The following C9 variants were observed in gnomAD, a reference collection of about 807,000 sequenced individuals.
C9 encodes complement C9.
Under a neutral mutation model 65.4 loss-of-function variants are expected in C9, and 63 were observed. The observed-to-expected ratio is 0.96, with a 90% confidence interval of 0.79 to 1.19. C9 has a LOEUF of 1.19. Ranked by LOEUF, C9 falls within the 50% of genes most tolerant of loss-of-function variation. The pLI, the probability that C9 is intolerant of heterozygous loss-of-function variation, is 0.00. For synonymous variants in C9, 229 were observed against 227.9 expected, an observed-to-expected ratio of 1.00 and a Z score of -0.04; for missense variants, 744 against 670.1, an observed-to-expected ratio of 1.11 and a Z score of -1.22.
intron 5 of C9, among the ~76,000 whole-genome samples, chr5:39,319,008 A>G (rs2111904065): frequency 6.6e-6 from 1 of 152,082 alleles, no homozygotes; most frequent in South Asian, 2.1e-4. Flanking sequence ...AGTCCCTTTT[A>G]TGCTGCTTTT....
rs898576618 is a variant in C9 at position 39,284,284 on chromosome 5, T to C, written c.*915A>G. Reference sequence around the variant, plus strand: ...CTCTTTTCTTTCTTTCTTTCCTTTTTTTAAAGAGTTCTCAGACCTTTCAAA... The same window carrying C: ...CTCTTTTCTTTCTTTCTTTCCTTTTCTTAAAGAGTTCTCAGACCTTTCAAA... On this transcript the variant is annotated 3_prime_UTR_variant, in exon 11 of 11. Transcript: ENST00000263408. 7 of 152,190 alleles carry C rather than the reference T, an allele frequency of 4.6e-5. No individual in the cohort carries two copies. Among genetic ancestry groups the C allele is most frequent in the Non-Finnish European group, 1.0e-4 (7 of 68,038 alleles). The allele number at this position is 152,190 out of a possible 1,614,324, so 9.4% of individuals were successfully genotyped here. A position where few individuals can be genotyped will look rare whatever the true frequency, so the allele number is the denominator to read the frequency against.
At chr5:39,349,336 G>A (rs989675373) in intron 1 of C9, among the ~76,000 whole-genome samples, 2 of 152,054 alleles carry the variant, frequency 1.3e-5, no homozygotes, top group Non-Finnish European at 2.9e-5. Flanking sequence ...AATATAAAGT[G>A]TTCAAGCTTG....
chr5:39,317,936 G>A (rs1561341415), intron 5 of C9, among the ~76,000 whole-genome samples: 2 of 151,824 alleles, frequency 1.3e-5, no homozygotes, highest in African/African-American at 4.8e-5. Flanking sequence ...AATTACTTTG[G>A]GCAGTATGGC....
chr5:39,312,416 T>C (rs1753500485), intron 6 of C9, among the ~76,000 whole-genome samples: 1 of 152,190 alleles, frequency 6.6e-6, no homozygotes, highest in African/African-American at 2.4e-5. Context: ...TATCAAGTTA[T>C]TTGTCCCAAA....
intron 10 of C9, among the ~76,000 whole-genome samples, chr5:39,288,483 G>A (rs559541914): frequency 6.6e-6 from 1 of 151,450 alleles, no homozygotes; most frequent in African/African-American, 2.4e-5. Flanking sequence ...TTTATAAAGA[G>A]TAATACAATA....
intron 6 of C9, 125 bp downstream of exon 6, chr5:39,315,650 C>T: frequency 1.4e-6 from 1 of 713,728 alleles, no homozygotes; most frequent in East Asian, 2.7e-5. Context: ...GACGTGCTAG[C>T]TACATATTTG....
intron 9 of C9, among the ~76,000 whole-genome samples, chr5:39,303,485 G>GTAT (rs1753319780): frequency 6.7e-6 from 1 of 149,638 alleles, no homozygotes; most frequent in African/African-American, 2.4e-5. Context: ...ATATATAACT[G>GTAT]TATTTATAGA....
At chr5:39,351,868 G>C (rs1754330033) in intron 1 of C9, among the ~76,000 whole-genome samples, 1 of 152,066 alleles carries the variant, frequency 6.6e-6, no homozygotes, top group African/African-American at 2.4e-5. Flanking sequence ...CTGTTACCCA[G>C]TTCCAAAGTC....
At chr5:39,341,746 A>G (rs1314592893) in intron 2 of C9, 46 bp from the exon 3 acceptor site, 15 of 1,587,942 alleles carry the variant, frequency 9.4e-6, no homozygotes, top group Non-Finnish European at 1.3e-5. Context: ...ATGCCAAAAA[A>G]AGGGTATGGT....
chr5:39,350,154 A>G (rs141463596), intron 1 of C9, among the ~76,000 whole-genome samples: 12 of 152,324 alleles, frequency 7.9e-5, no homozygotes, highest in Admixed American at 3.9e-4. Flanking sequence ...ACATCTTCAC[A>G]TAACATCAGG....
At chr5:39,328,166 G>C in intron 5 of C9, among the ~76,000 whole-genome samples, 1 of 152,202 alleles carries the variant, frequency 6.6e-6, no homozygotes, top group East Asian at 1.9e-4. Context: ...TTCCTACTGA[G>C]AGAATAGGAT....
intron 5 of C9, among the ~76,000 whole-genome samples, chr5:39,327,678 CAG>C (rs1561344770): frequency 6.6e-6 from 1 of 151,968 alleles, no homozygotes; most frequent in South Asian, 2.1e-4. Context: ...GCATCTAGTT[CAG>C]AGAGAGATGT....
At chr5:39,295,134 C>T (rs1753160696) in intron 9 of C9, among the ~76,000 whole-genome samples, 1 of 151,650 alleles carries the variant, frequency 6.6e-6, no homozygotes, top group South Asian at 2.1e-4. Context: ...AGAAAGCTCT[C>T]CCTCTAAGAA....
At chr5:39,306,559 G>A (rs1753380276) in intron 9 of C9, 58 bp downstream of exon 9, 1 of 1,317,832 alleles carries the variant, frequency 7.6e-7, no homozygotes, top group Admixed American at 1.7e-5. Context: ...CTGAAACAAT[G>A]TGACATTTAA....
At chr5:39,312,013 G>T (rs1285459253) in intron 6 of C9, among the ~76,000 whole-genome samples, 2 of 152,116 alleles carry the variant, frequency 1.3e-5, no homozygotes, top group African/African-American at 4.8e-5. Context: ...AATCTGGTCA[G>T]TGGTCACCTC....
chr5:39,357,271 A>G (rs753328579), intron 1 of C9, among the ~76,000 whole-genome samples: 2 of 152,244 alleles, frequency 1.3e-5, no homozygotes, highest in Admixed American at 6.5e-5. Flanking sequence ...ATATAAGCCA[A>G]TTAGGACTAC....
chr5:39,328,364 T>C (rs1366943934), intron 5 of C9, among the ~76,000 whole-genome samples: 2 of 152,186 alleles, frequency 1.3e-5, no homozygotes, highest in Non-Finnish European at 2.9e-5. Flanking sequence ...AGCCTGCTCA[T>C]GTGAAGAACG....
intron 9 of C9, among the ~76,000 whole-genome samples, chr5:39,294,042 G>A (rs983846360): frequency 1.3e-5 from 2 of 151,666 alleles, no homozygotes; most frequent in Non-Finnish European, 2.9e-5. Context: ...CAAAACTGAC[G>A]ATACACAGAA....
chr5:39,360,332 T>C (rs963086900), intron 1 of C9, among the ~76,000 whole-genome samples: 2 of 152,102 alleles, frequency 1.3e-5, no homozygotes, highest in Non-Finnish European at 2.9e-5. Flanking sequence ...TGCCCTCAGA[T>C]TAGACAGCAG....
Sources: gnomAD v4.1 joint callset for allele counts (sites outside exome capture counted in the v4.1 genomes callset) on GRCh38, gnomAD v4.1.1 for gene constraint, MANE v1.5 for transcripts, NCBI Gene and HGNC (gene_info 2026-07-23, HGNC 2026-07-21) for gene names.